Variants in DDX60L observed in about 807,000 individuals in gnomAD.
DDX60L encodes the protein DExD/H-box 60 like.
Under a neutral mutation model 211.6 loss-of-function variants are expected in DDX60L, and 191 were observed. The observed-to-expected ratio is 0.90, with a 90% CI of 0.80 to 1.02. The LOEUF is 1.02. Ranked by LOEUF, DDX60L falls within the 50% of genes least tolerant of loss-of-function variation. The pLI is 0.00. For synonymous variants in DDX60L, 706 were observed against 694.1 expected, an observed-to-expected ratio of 1.02 and a Z score of -0.27; for missense variants, 2,007 against 1,984.1, an observed-to-expected ratio of 1.01 and a Z score of -0.22.
In DDX60L at chr4:168,405,825, A is replaced by C. The variant is rs984112161; in HGVS notation, c.3213+125T>G. 6 of 1,030,252 alleles carry C rather than the reference A, an allele frequency of 5.8e-6. No homozygotes were observed. The African/African-American group carries it at 9.9e-5, about 17-fold the overall frequency. 63.8% of individuals were successfully genotyped at this position (1,030,252 alleles called of 1,614,324 possible). A position where few individuals can be genotyped will look rare whatever the true frequency, so the allele number is the denominator to read the frequency against. On this transcript the variant is annotated intron_variant, in intron 24 of 37. Coordinates refer to ENST00000682922, the MANE Select transcript of DDX60L (RefSeq NM_001012967.3). ...CTCATACTCACTGGATAACATGTTT[A>C]AATGGAATTACTAAAACAAAAATCG...
intron 8 of DDX60L, among the ~76,000 whole-genome samples, chr4:168,451,324 G>C (rs28734828): frequency 0.29 from 44,449 of 152,076 alleles, 6,960 homozygotes; most frequent in African/African-American, 0.4. Flanking sequence ...TCCTTTGGAA[G>C]TCTCATTGCC....
chr4:168,372,113 T>TA (rs1741138444), intron 35 of DDX60L, among the ~76,000 whole-genome samples: 1 of 152,040 alleles, frequency 6.6e-6, no homozygotes, highest in Non-Finnish European at 1.5e-5. Context: ...AGAAGCTGAT[T>TA]TTAAGGTAGA....
At chr4:168,441,719 T>C (rs570106866) in intron 9 of DDX60L, among the ~76,000 whole-genome samples, 5 of 152,124 alleles carry the variant, frequency 3.3e-5, no homozygotes, top group Non-Finnish European at 7.3e-5. Flanking sequence ...TACTGTGACA[T>C]GGGCCTGTGG....
At chr4:168,476,674 A>T (rs1759537985) in intron 1 of DDX60L, among the ~76,000 whole-genome samples, 1 of 152,090 alleles carries the variant, frequency 6.6e-6, no homozygotes, top group African/African-American at 2.4e-5. Context: ...AAAAAAAATC[A>T]TATGCATCGG....
chr4:168,441,291 C>A, intron 10 of DDX60L, 46 bp downstream of exon 10: 2 of 1,502,264 alleles, frequency 1.3e-6, no homozygotes, highest in African/African-American at 1.4e-5. Context: ...AAAAGTTGTT[C>A]AGGACAAACA....
chr4:168,406,899 C>G (rs1747838449), intron 22 of DDX60L, among the ~76,000 whole-genome samples, 193 bp from the exon 23 acceptor site: 1 of 152,100 alleles, frequency 6.6e-6, no homozygotes, highest in Admixed American at 6.5e-5. Context: ...CATCCCTAAC[C>G]TGCTGAAATG....
intron 22 of DDX60L, among the ~76,000 whole-genome samples, chr4:168,412,588 T>C (rs1422065312): frequency 1.3e-5 from 2 of 152,100 alleles, no homozygotes. Flanking sequence ...CCACGTGAGA[T>C]CCGGGGAACC....
intron 8 of DDX60L, among the ~76,000 whole-genome samples, chr4:168,449,713 C>A (rs1755520793): frequency 3.4e-5 from 4 of 116,586 alleles, no homozygotes; most frequent in Admixed American, 8.5e-5. Context: ...AAGAAAGAGG[C>A]TGAAACTGAA....
intron 33 of DDX60L, among the ~76,000 whole-genome samples, 163 bp from the exon 34 acceptor site, chr4:168,375,687 T>G (rs1741831816): frequency 6.6e-6 from 1 of 152,214 alleles, no homozygotes; most frequent in South Asian, 2.1e-4. Context: ...TCCTTTTGAT[T>G]TCAACCAACA....
intron 12 of DDX60L, 118 bp downstream of exon 12, chr4:168,432,337 T>C (rs1217273629): frequency 8.1e-6 from 2 of 247,664 alleles, no homozygotes; most frequent in African/African-American, 2.3e-5. Context: ...ATATAATATA[T>C]AGATAGATCT....
At chr4:168,478,274 G>C (rs1325094869) in intron 1 of DDX60L, among the ~76,000 whole-genome samples, 1 of 148,402 alleles carries the variant, frequency 6.7e-6, no homozygotes, top group Non-Finnish European at 1.5e-5. Flanking sequence ...CTTGCTGCAA[G>C]TATTAGGTGG....
At chr4:168,450,315 A>C (rs1755628798) in intron 8 of DDX60L, among the ~76,000 whole-genome samples, 1 of 152,174 alleles carries the variant, frequency 6.6e-6, no homozygotes, top group South Asian at 2.1e-4. Flanking sequence ...CAGTGCAAGA[A>C]GACAGCTTCA....
intron 22 of DDX60L, among the ~76,000 whole-genome samples, chr4:168,408,982 G>C (rs958246602): frequency 5.9e-5 from 9 of 152,160 alleles, no homozygotes; most frequent in African/African-American, 1.4e-4. Context: ...AATGTATTCT[G>C]CTTCCCCTCA....
chr4:168,410,301 G>T (rs962376345), intron 22 of DDX60L, among the ~76,000 whole-genome samples: 21 of 152,130 alleles, frequency 1.4e-4, no homozygotes, highest in African/African-American at 5.1e-4. Flanking sequence ...GCAAAGACAT[G>T]GAAGACGAAT....
intron 28 of DDX60L, among the ~76,000 whole-genome samples, chr4:168,392,380 T>C (rs981845357): frequency 1.3e-5 from 2 of 152,182 alleles, no homozygotes; most frequent in African/African-American, 4.8e-5. Flanking sequence ...CCATAATTAT[T>C]TCAATTATTT....
At chr4:168,363,046 C>A (rs182188548) in intron 36 of DDX60L, among the ~76,000 whole-genome samples, 1 of 152,240 alleles carries the variant, frequency 6.6e-6, no homozygotes, top group Non-Finnish European at 1.5e-5. Context: ...ACAAAGAATT[C>A]TAAATGCTGA....
intron 17 of DDX60L, 75 bp from the exon 18 acceptor site, chr4:168,420,455 C>A: frequency 1.5e-5 from 9 of 605,130 alleles, no homozygotes; most frequent in Non-Finnish European, 2.0e-5. Context: ...CAACCGAATC[C>A]ATACACATAC....
chr4:168,419,194 A>G (rs1750063144), intron 19 of DDX60L, 108 bp downstream of exon 19: 2 of 668,254 alleles, frequency 3.0e-6, no homozygotes, highest in Non-Finnish European at 4.7e-6. Context: ...ACCCTGGCTG[A>G]CGCACAACTT....
intron 17 of DDX60L, 65 bp from the exon 18 acceptor site, chr4:168,420,445 C>T: frequency 7.5e-7 from 1 of 1,337,474 alleles, no homozygotes; most frequent in Non-Finnish European, 1.0e-6. Context: ...ACCTTGAGGA[C>T]AACCGAATCC....
Sources: allele counts gnomAD v4.1 joint callset (sites outside exome capture counted in the v4.1 genomes callset), GRCh38; gene constraint gnomAD v4.1.1; transcripts MANE v1.5; gene names NCBI Gene and HGNC (gene_info 2026-07-23, HGNC 2026-07-21).